ME3: variants seen among roughly 807,000 people sequenced by gnomAD.
ME3 encodes NADP-dependent malic enzyme, mitochondrial.
Under a neutral mutation model 68.9 loss-of-function variants are expected in ME3, and 48 were observed. That is an observed-to-expected ratio of 0.70 (90% confidence interval 0.55 to 0.89). ME3 has a LOEUF of 0.89. Ranked by LOEUF, ME3 falls within the 40% of genes least tolerant of loss-of-function variation. The pLI is 0.00. For missense variants in ME3, 675 were observed against 797.4 expected (o/e 0.85, Z 1.85); for synonymous variants, 320 against 318.8 (o/e 1.00, Z -0.04).
At chr11:86,666,916 A>G (rs1251105518) in intron 2 of ME3, among the ~76,000 whole-genome samples, 1 of 152,238 alleles carries the variant, frequency 6.6e-6, no homozygotes, top group Non-Finnish European at 1.5e-5. Context: ...AGACAAGATC[A>G]AGTTCTAAGC....
intron 2 of ME3, among the ~76,000 whole-genome samples, chr11:86,671,381 A>C (rs1946928265): frequency 6.6e-6 from 1 of 152,164 alleles, no homozygotes; most frequent in Non-Finnish European, 1.5e-5. Flanking sequence ...CGACATTCCT[A>C]AGACAATTAT....
chr11:86,488,827 T>C (rs1951838266), intron 6 of ME3, among the ~76,000 whole-genome samples: 2 of 152,202 alleles, frequency 1.3e-5, no homozygotes, highest in Non-Finnish European at 2.9e-5. Context: ...ACAGACACAT[T>C]ATACTGCAGG....
chr11:86,605,099 G>A (rs76973607), intron 2 of ME3, among the ~76,000 whole-genome samples: 3,622 of 152,224 alleles, frequency 0.024, 128 homozygotes, highest in African/African-American at 0.077. Context: ...GAATCATAAC[G>A]TATGTGAATT....
chr11:86,595,678 C>T (rs1959327015), intron 2 of ME3, among the ~76,000 whole-genome samples: 1 of 152,182 alleles, frequency 6.6e-6, no homozygotes, highest in South Asian at 2.1e-4. Context: ...TGGGATCTAG[C>T]TCAAGATCTG....
At chr11:86,589,095 C>G (rs1206398081) in intron 2 of ME3, among the ~76,000 whole-genome samples, 1 of 152,082 alleles carries the variant, frequency 6.6e-6, no homozygotes, top group Non-Finnish European at 1.5e-5. Context: ...TCTCATTGGC[C>G]TGGGAATCCA....
intron 9 of ME3, 89 bp from the exon 10 acceptor site, chr11:86,450,091 C>A: frequency 8.6e-7 from 1 of 1,160,152 alleles, no homozygotes; most frequent in Admixed American, 2.1e-5. Flanking sequence ...ACCCCCTTTT[C>A]TTTCCCCCAC....
chr11:86,584,771 G>A (rs1045801272), intron 2 of ME3, among the ~76,000 whole-genome samples: 16 of 152,160 alleles, frequency 1.1e-4, no homozygotes, highest in African/African-American at 3.6e-4. Flanking sequence ...TAATAAAATG[G>A]TGGTTTCCAG....
In ME3 at chr11:86,555,604, G is replaced by A. The variant is rs528353471; in HGVS notation, c.467+949C>T. ...GTTTGATGTGCTATCCTTTGCCAAC[G>A]GTAACAGTGGGATCCGGAAAGAAAC... On this transcript the variant is annotated intron_variant, in intron 4 of 14. Coordinates refer to ENST00000543262, the Ensembl canonical transcript of ME3. 3.3e-5 allele frequency among the ~76,000 whole-genome samples: 5 copies of A among 152,252 alleles called. No individual in the cohort carries two copies. In the South Asian group the frequency reaches 8.3e-4, roughly 25 times the overall value.
At chr11:86,528,336 G>GAGC (rs1181539067) in intron 4 of ME3, among the ~76,000 whole-genome samples, 1 of 152,094 alleles carries the variant, frequency 6.6e-6, no homozygotes, top group African/African-American at 2.4e-5. Flanking sequence ...CTGAATACAG[G>GAGC]AGCACCCAGA....
intron 2 of ME3, among the ~76,000 whole-genome samples, chr11:86,583,611 A>T (rs1332022982): frequency 2.6e-5 from 4 of 152,172 alleles, no homozygotes; most frequent in Non-Finnish European, 5.9e-5. Context: ...GGATGCTGTT[A>T]AAGGACATAA....
Position 86,455,259 on chromosome 11 carries a change from A to G in ME3, c.920-4861T>C, listed in dbSNP as rs149735295. Among the ~76,000 whole-genome samples the G allele has an allele frequency of 9.0e-3, 1,367 of 152,394 alleles. 18 individuals are homozygous for G. Among genetic ancestry groups the G allele is most frequent in the African/African-American group, 0.031 (1,277 of 41,602 alleles). ...AGATGAATCAAACATGATCCCTGCC[A>G]TCAGAGAACTCCCAGTTTACTAAAA... On this transcript the variant is annotated intron_variant, in intron 8 of 14. Coordinates refer to ENST00000543262, the Ensembl canonical transcript of ME3.
intron 2 of ME3, among the ~76,000 whole-genome samples, chr11:86,563,226 C>CT (rs199885444): frequency 6.6e-6 from 1 of 152,090 alleles, no homozygotes; most frequent in Non-Finnish European, 1.5e-5. Context: ...TCTGTTTTAA[C>CT]TTTGAGAACT....
intron 4 of ME3, among the ~76,000 whole-genome samples, chr11:86,541,548 G>C (rs932649690): frequency 6.6e-6 from 1 of 152,178 alleles, no homozygotes; most frequent in African/African-American, 2.4e-5. Context: ...AGACTGGGTG[G>C]AGACCACTAC....
At chr11:86,490,215 C>T (rs578191612) in intron 6 of ME3, among the ~76,000 whole-genome samples, 15 of 152,310 alleles carry the variant, frequency 9.8e-5, no homozygotes, top group African/African-American at 1.9e-4. Flanking sequence ...CCTGGGTACA[C>T]GTAAGATCTG....
At chr11:86,619,456 A>G (rs1314849996) in intron 2 of ME3, among the ~76,000 whole-genome samples, 1 of 152,152 alleles carries the variant, frequency 6.6e-6, no homozygotes, top group Non-Finnish European at 1.5e-5. Flanking sequence ...CCCCACCCAA[A>G]TCTCATCTTG....
intron 4 of ME3, among the ~76,000 whole-genome samples, chr11:86,526,316 G>C (rs559766882): frequency 2.6e-5 from 4 of 152,248 alleles, no homozygotes; most frequent in African/African-American, 9.6e-5. Flanking sequence ...CAGCGAGGCT[G>C]GGGGAGGAAT....
intron 2 of ME3, among the ~76,000 whole-genome samples, chr11:86,601,225 AAGAG>A (rs1189425721): frequency 1.3e-5 from 2 of 152,096 alleles, no homozygotes; most frequent in Non-Finnish European, 2.9e-5. Context: ...TAAAGAAAAA[AAGAG>A]AGAAGAATCA....
chr11:86,457,584 T>G, intron 8 of ME3: 1 of 1,187,370 alleles, frequency 8.4e-7, no homozygotes, highest in South Asian at 1.6e-5. Flanking sequence ...ATCTCCATCA[T>G]TAACCTGCAT....
At chr11:86,624,303 A>G (rs1446134295) in intron 2 of ME3, among the ~76,000 whole-genome samples, 3 of 152,190 alleles carry the variant, frequency 2.0e-5, no homozygotes, top group Non-Finnish European at 4.4e-5. Context: ...CTCTTAATCT[A>G]GATACATTTG....
Sources: allele counts gnomAD v4.1 joint callset (sites outside exome capture counted in the v4.1 genomes callset), GRCh38; gene constraint gnomAD v4.1.1; transcripts MANE v1.5; gene names NCBI Gene and HGNC (gene_info 2026-07-23, HGNC 2026-07-21).